The following SYTL2 variants were observed in gnomAD, a reference collection of about 807,000 sequenced individuals.
The protein encoded by SYTL2 is synaptotagmin like 2, also known as synaptotagmin-like protein 2.
A neutral mutation model predicts 198.7 loss-of-function variants in SYTL2; 165 were observed. The observed-to-expected ratio is 0.83, with a 90% confidence interval of 0.73 to 0.94. The LOEUF (loss-of-function observed/expected upper bound fraction) is 0.94, where lower values mean the gene tolerates loss of function less well. Among genes scored for constraint, SYTL2 ranks in the 40% least tolerant of loss-of-function variants. SYTL2 has a pLI of 0.00. For synonymous variants in SYTL2, 966 were observed against 917.7 expected (o/e 1.05, Z -0.95); for missense variants, 2,835 against 2,582.8 (o/e 1.10, Z -2.12).
chr11:85,724,596 T>C lies in SYTL2; in HGVS notation c.4762A>G (p.Arg1588Gly). 2 of 1,613,020 alleles carry C rather than the reference T, an allele frequency of 1.2e-6. No homozygotes were observed. Among genetic ancestry groups the C allele is most frequent in the South Asian group, 1.1e-5 (1 of 90,836 alleles). Residue 1588 changes from arginine to glycine, a missense_variant, in exon 8 of 20, where the codon AGA becomes GGA. Physicochemically the swap from Arg to Gly is moderately radical, Grantham distance 125 (BLOSUM62 -2). Transcript: ENST00000359152. ...APPYQPQVSV[R>G]EETHEKESSQ... ...GACTCCTTCTCGTGAGTTTCTTCTC[T>C]CACTGACACCTGGGGCTGATAAGGA... is the stretch of plus-strand genomic sequence containing the variant.
chr11:85,736,643 T>C, intron 5 of SYTL2, 28 bp from the exon 6 acceptor site: 1 of 1,252,298 alleles, frequency 8.0e-7, no homozygotes, highest in Non-Finnish European at 1.2e-6. Flanking sequence ...TTATTAAACT[T>C]ATTTTAAATG....
chr11:85,746,925 C>T (rs1485848158), intron 3 of SYTL2, among the ~76,000 whole-genome samples: 1 of 152,162 alleles, frequency 6.6e-6, no homozygotes, highest in Non-Finnish European at 1.5e-5. Flanking sequence ...GCTTCATATG[C>T]CCCATGTATA....
At position 85,694,300 on chromosome 11, in the gene SYTL2, G is replaced by C. The variant is rs2083139779; in HGVS notation, c.*895C>G. The C allele has an allele frequency of 6.6e-6, 1 of 152,090 alleles. No individual in the cohort carries two copies. Among genetic ancestry groups the C allele is most frequent in the Non-Finnish European group, 1.5e-5 (1 of 68,024 alleles). 9.4% of individuals were successfully genotyped at this position (152,090 alleles called of 1,614,324 possible). On this transcript the variant is annotated 3_prime_UTR_variant, in exon 20 of 20. Transcript: ENST00000359152. ...TTTTCTAATACAATTTAAATCAAATGATAATTTATTCTAAGGGTTTTTACA... is the reference window on the plus strand; with the variant it reads ...TTTTCTAATACAATTTAAATCAAATCATAATTTATTCTAAGGGTTTTTACA...
the SYTL2 span, among the ~76,000 whole-genome samples, chr11:85,847,529 C>T: frequency 6.6e-6 from 1 of 152,072 alleles, no homozygotes; most frequent in Non-Finnish European, 1.5e-5. Flanking sequence ...TGTGTTTAAC[C>T]TTATAAGAGA....
chr11:85,809,162 G>A (rs918188186), intron 1 of SYTL2, among the ~76,000 whole-genome samples: 2 of 152,180 alleles, frequency 1.3e-5, no homozygotes, highest in African/African-American at 4.8e-5. Flanking sequence ...AATGTTTATT[G>A]AGCAAAACCT....
the SYTL2 span, among the ~76,000 whole-genome samples, chr11:85,842,817 C>T: frequency 6.6e-6 from 1 of 152,158 alleles, no homozygotes; most frequent in Non-Finnish European, 1.5e-5. Context: ...TTCAGGATAG[C>T]TGGGTAGGAA....
chr11:85,820,124 GTAA>G, the SYTL2 span, among the ~76,000 whole-genome samples: 1 of 152,142 alleles, frequency 6.6e-6, no homozygotes, highest in African/African-American at 2.4e-5. Context: ...CATTATAAAT[GTAA>G]GCAACAACCC....
chr11:85,696,387 T>C lies in SYTL2; in HGVS notation c.6370A>G (p.Thr2124Ala), dbSNP rs1220904672. The C allele has an allele frequency of 1.2e-6, 2 of 1,613,468 alleles. No individual in the cohort carries two copies. Among genetic ancestry groups the C allele is most frequent in the East Asian group, 2.2e-5 (1 of 44,884 alleles). Residue 2124 changes from threonine to alanine, a missense_variant and splice_region_variant, in exon 19 of 20, where the codon ACC becomes GCC. Around this residue, in one of 3 missense-constraint regions of SYTL2, gnomAD observed 185 missense variants for 182.1 expected, o/e 1.02. Transcript: ENST00000359152. ...TTCCTACTTGTATCTGGAAGGATGG[T>C]ACTACAAAAAGAGGCATGATTGTGG... ...GSHLNSFVKC[T>A]ILPDTSRKSR...
chr11:85,714,352 T>G (rs564758573), intron 12 of SYTL2, 61 bp downstream of exon 12: 2 of 1,355,846 alleles, frequency 1.5e-6, no homozygotes. Flanking sequence ...CACACCAACC[T>G]TGGCATAGCA....
At chr11:85,738,624 A>G (rs1052978046) in intron 4 of SYTL2, among the ~76,000 whole-genome samples, 1 of 152,198 alleles carries the variant, frequency 6.6e-6, no homozygotes, top group Non-Finnish European at 1.5e-5. Flanking sequence ...TATATAATAA[A>G]AACAACCAAT....
Position 85,734,760 on chromosome 11 carries a change from G to A in SYTL2, c.587-18C>T, listed in dbSNP as rs1417403275. 1.3e-6 allele frequency: 2 copies of A among 1,573,718 alleles called. No homozygotes were observed. The highest frequency in any genetic ancestry group is 2.2e-5 in the East Asian group (1 of 44,722). Reference sequence around the variant, plus strand: ...CAATTCATCTGAAAATTAAAACACAGTAGGTGATATATCATATAGAGAGTA... The same window carrying A: ...CAATTCATCTGAAAATTAAAACACAATAGGTGATATATCATATAGAGAGTA... On this transcript the variant is annotated intron_variant, in intron 6 of 19. Transcript: ENST00000359152.
intron 2 of SYTL2, among the ~76,000 whole-genome samples, chr11:85,750,727 A>T (rs115275354): frequency 0.015 from 2,252 of 152,270 alleles, 51 homozygotes; most frequent in African/African-American, 0.052. Flanking sequence ...TGAGTCAGGC[A>T]AGAGATCAAG....
intron 2 of SYTL2, among the ~76,000 whole-genome samples, 175 bp from the exon 3 acceptor site, chr11:85,748,598 A>C (rs2091318421): frequency 6.6e-6 from 1 of 152,250 alleles, no homozygotes; most frequent in Admixed American, 6.5e-5. Flanking sequence ...TTGAAAAGTC[A>C]GAGAAGACAA....
chr11:85,796,344 C>T (rs1310584383), intron 1 of SYTL2, among the ~76,000 whole-genome samples: 2 of 152,282 alleles, frequency 1.3e-5, no homozygotes, highest in South Asian at 2.1e-4. Flanking sequence ...AAACTTAACA[C>T]GATATATGCT....
At position 85,774,907 on chromosome 11, in the gene SYTL2, G is replaced by T. The variant is rs149857256; in HGVS notation, c.-389-16793C>A. ...GGTCTTCGCTCTGCTACTGAAAACT[G>T]AAACTCTTTGTTTCACTCACCTCTC... On this transcript the variant is annotated intron_variant, in intron 1 of 19. Coordinates refer to ENST00000359152, the MANE Select transcript of SYTL2 (RefSeq NM_206927.4). 3.2e-4 allele frequency among the ~76,000 whole-genome samples: 48 copies of T among 152,192 alleles called. No individual in the cohort carries two copies. The East Asian group carries it at 7.7e-3, about 24-fold the overall frequency.
In SYTL2 at chr11:85,783,114, G is replaced by A. The variant is rs147236799; in HGVS notation, c.-389-25000C>T. On this transcript the variant is annotated intron_variant, in intron 1 of 19. Transcript: ENST00000359152. ...TTATGCTGCTAATAAAGACATACCC[G>A]AGACTGGGTAACTTATAAAGGAAAA... Among the ~76,000 whole-genome samples, 217 of 152,234 alleles carry A rather than the reference G, an allele frequency of 1.4e-3. 1 individual carries two copies. Among genetic ancestry groups the A allele is most frequent in the South Asian group, 4.4e-3 (21 of 4,824 alleles).
At chr11:85,748,810 G>C (rs2091330014) in intron 2 of SYTL2, among the ~76,000 whole-genome samples, 1 of 152,162 alleles carries the variant, frequency 6.6e-6, no homozygotes, top group East Asian at 1.9e-4. Flanking sequence ...GTAACCTTTG[G>C]ACTTTAAAAT....
chr11:85,757,945 T>C lies in SYTL2; in HGVS notation c.-220A>G. ...GAGGAAGTCCTGGTCTGTGGGATAG[T>C]GTCGAGAAGAGGCTCTCAGAAGGAT... On this transcript the variant is annotated 5_prime_UTR_variant, in exon 2 of 20. Transcript: ENST00000359152. The C allele has an allele frequency of 5.4e-6, 3 of 550,704 alleles. No homozygotes were observed. 34.1% of individuals were successfully genotyped at this position (550,704 alleles called of 1,614,324 possible). A position where few individuals can be genotyped will look rare whatever the true frequency, so the allele number is the denominator to read the frequency against.
chr11:85,810,567 G>GAA (rs2093018766), intron 1 of SYTL2, among the ~76,000 whole-genome samples: 1 of 152,106 alleles, frequency 6.6e-6, no homozygotes, highest in African/African-American at 2.4e-5. Flanking sequence ...AACAGGTGCT[G>GAA]ACGCTCCTAC....
Sources: gnomAD v4.1 joint callset for allele counts (sites outside exome capture counted in the v4.1 genomes callset) on GRCh38, gnomAD v4.1.1 for gene constraint, gnomAD v4.1.1 regional missense constraint, MANE v1.5 for transcripts, NCBI Gene and HGNC (gene_info 2026-07-23, HGNC 2026-07-21) for gene names.